SVEP1: variants seen among roughly 807,000 people sequenced by gnomAD.
SVEP1 encodes sushi, von Willebrand factor type A, EGF and pentraxin domain containing 1.
In SVEP1, 164 loss-of-function variants were observed where a neutral mutation model predicts 367.3. That is an observed-to-expected ratio of 0.45 (90% confidence interval 0.39 to 0.51). The LOEUF (loss-of-function observed/expected upper bound fraction) is 0.51. SVEP1 is among the 20% of genes least tolerant of loss of function. The pLI is 0.00. For missense variants in SVEP1, 4,117 were observed against 4,425.3 expected, an observed-to-expected ratio of 0.93 and a Z score of 1.98; for synonymous variants, 1,666 against 1,611.6, an observed-to-expected ratio of 1.03 and a Z score of -0.81.
chr9:110,575,116 C>G (rs910850674), intron 1 of SVEP1, among the ~76,000 whole-genome samples: 3 of 152,098 alleles, frequency 2.0e-5, no homozygotes, highest in Non-Finnish European at 4.4e-5. Context: ...ATAAAAAAGT[C>G]AAAGGGAAGA....
rs574787960 is a variant in SVEP1 at position 110,401,691 on chromosome 9, G to A, written c.9667-682C>T. 3.9e-3 allele frequency among the ~76,000 whole-genome samples: 588 copies of A among 151,706 alleles called. 1 individual carries two copies. Among genetic ancestry groups the A allele is most frequent in the African/African-American group, 0.013 (540 of 41,462 alleles). On this transcript the variant is annotated intron_variant, in intron 39 of 47. Coordinates refer to ENST00000374469, the MANE Select transcript of SVEP1 (RefSeq NM_153366.4). Reference sequence around the variant, plus strand: ...AATATGTAGCTTTTAACAGTTATTAGTGTTTTCATTACCCAGAAAGATTTC... The same window carrying A: ...AATATGTAGCTTTTAACAGTTATTAATGTTTTCATTACCCAGAAAGATTTC...
chr9:110,408,412 A>G lies in SVEP1; in HGVS notation c.7188T>C (p.Ser2396=), dbSNP rs746875382. The part of the protein sequence containing the change: ...LISFGVPIPS[S]ALHFGSTVKY... ...TGACAGTACTTCCAAAATGAAGAGCAGAAGAAGGAATGGGGACACCAAAGG... is the reference window on the plus strand; with the variant it reads ...TGACAGTACTTCCAAAATGAAGAGCGGAAGAAGGAATGGGGACACCAAAGG... Residue 2396 remains serine (S), a synonymous_variant, in exon 38 of 48, where the codon TCT becomes TCC. Coordinates refer to ENST00000374469, the MANE Select transcript of SVEP1 (RefSeq NM_153366.4). 6.2e-7 allele frequency: 1 copy of G among 1,613,976 alleles called. No homozygotes were observed. Among genetic ancestry groups the G allele is most frequent in the Admixed American group, 1.7e-5 (1 of 60,024 alleles).
At chr9:110,442,261 A>G (rs1828520601) in intron 27 of SVEP1, among the ~76,000 whole-genome samples, 1 of 152,172 alleles carries the variant, frequency 6.6e-6, no homozygotes. Context: ...TGACCACAAT[A>G]AAAGCATCTG....
intron 3 of SVEP1, among the ~76,000 whole-genome samples, chr9:110,544,604 G>A (rs1158870177): frequency 6.9e-6 from 1 of 144,668 alleles, no homozygotes; most frequent in Admixed American, 7.1e-5. Flanking sequence ...AATTACAAAT[G>A]TCAATGAAAT....
intron 36 of SVEP1, among the ~76,000 whole-genome samples, chr9:110,416,728 C>T (rs1309828764): frequency 1.3e-5 from 2 of 151,922 alleles, no homozygotes; most frequent in East Asian, 1.9e-4. Flanking sequence ...AACACTAAAA[C>T]AACAAAGACA....
chr9:110,534,017 C>CCA (rs1317130705), intron 3 of SVEP1, among the ~76,000 whole-genome samples: 10 of 152,024 alleles, frequency 6.6e-5, no homozygotes, highest in African/African-American at 2.4e-4. Context: ...CAGGCTAAGT[C>CCA]CACCACTTTT....
Position 110,517,514 on chromosome 9 carries a change from C to T in SVEP1, c.965-3408G>A, listed in dbSNP as rs189667463. Among the ~76,000 whole-genome samples the T allele has an allele frequency of 1.8e-3, 272 of 150,688 alleles. 1 individual carries two copies. Among genetic ancestry groups the T allele is most frequent in the African/African-American group, 6.4e-3 (264 of 40,956 alleles). On this transcript the variant is annotated intron_variant, in intron 3 of 47. Transcript: ENST00000374469. Reference sequence around the variant, plus strand: ...TTGGGAGGCTGAGGCAGGAGAATCACTTGAACTCGGGAAGCGGAGGTTGCA... The same window carrying T: ...TTGGGAGGCTGAGGCAGGAGAATCATTTGAACTCGGGAAGCGGAGGTTGCA...
At chr9:110,444,425 ATTTCTG>A (rs1447731407) in intron 26 of SVEP1, among the ~76,000 whole-genome samples, 1 of 152,182 alleles carries the variant, frequency 6.6e-6, no homozygotes, top group Non-Finnish European at 1.5e-5. Context: ...TGAGAAATAT[ATTTCTG>A]TTCTTTACAA....
Position 110,408,053 on chromosome 9 carries a change from T to C in SVEP1, c.7547A>G (p.Tyr2516Cys). 2 of 1,613,990 alleles carry C rather than the reference T, an allele frequency of 1.2e-6. No individual in the cohort carries two copies. The highest frequency in any genetic ancestry group is 1.7e-5 in the Admixed American group (1 of 60,016). The stretch of plus-strand genomic sequence containing the variant: ...GCAAGAGTAGGTAACGGTCTGTCCA[T>C]AGTGTAGGTCCGTGTAAGAGAATTT... ...NGKFSYTDLHYGQTVTYSCNR... is the reference protein window; with the variant it reads ...NGKFSYTDLHCGQTVTYSCNR... The change falls in exon 38 of 48, where the codon TAT becomes TGT. Residue 2516 changes from tyrosine to cysteine, a missense_variant. Coordinates refer to ENST00000374469, the MANE Select transcript of SVEP1 (RefSeq NM_153366.4).
chr9:110,389,474 T>A, intron 41 of SVEP1, 50 bp downstream of exon 41: 1 of 1,596,652 alleles, frequency 6.3e-7, no homozygotes, highest in East Asian at 2.2e-5. Flanking sequence ...ACACTGTTAT[T>A]TTGTGTCCTC....
At chr9:110,414,840 A>G (rs1312300149) in intron 36 of SVEP1, among the ~76,000 whole-genome samples, 1 of 152,072 alleles carries the variant, frequency 6.6e-6, no homozygotes, top group East Asian at 1.9e-4. Flanking sequence ...ATAAATCAGC[A>G]TCAATAATTA....
At chr9:110,466,602 T>C in intron 17 of SVEP1, among the ~76,000 whole-genome samples, 1 of 149,552 alleles carries the variant, frequency 6.7e-6, no homozygotes, top group Non-Finnish European at 1.5e-5. Context: ...ACTAAAAAAA[T>C]ACAAAAAAAT....
chr9:110,484,846 C>A (rs1829252263), intron 9 of SVEP1, among the ~76,000 whole-genome samples: 2 of 152,132 alleles, frequency 1.3e-5, no homozygotes, highest in South Asian at 4.1e-4. Flanking sequence ...CTCATTATCA[C>A]TGATCATTAG....
chr9:110,482,632 T>C (rs1829210938), intron 10 of SVEP1, 140 bp from the exon 11 acceptor site: 1 of 954,386 alleles, frequency 1.0e-6, no homozygotes, highest in Admixed American at 3.1e-5. Context: ...GCTCAAGCGA[T>C]TCTCCTGCCT....
intron 34 of SVEP1, 131 bp downstream of exon 34, chr9:110,429,789 T>C (rs574368876): frequency 1.4e-6 from 1 of 690,034 alleles, no homozygotes; most frequent in Admixed American, 2.6e-5. Flanking sequence ...CTATGTATCA[T>C]TCGATTAATT....
At chr9:110,467,045 C>A (rs1828949774) in intron 17 of SVEP1, among the ~76,000 whole-genome samples, 1 of 152,066 alleles carries the variant, frequency 6.6e-6, no homozygotes, top group Non-Finnish European at 1.5e-5. Flanking sequence ...ATGTTTAGCG[C>A]ATTTCCAATT....
intron 40 of SVEP1, among the ~76,000 whole-genome samples, chr9:110,395,238 T>A (rs1195196599): frequency 6.6e-6 from 1 of 152,178 alleles, no homozygotes; most frequent in African/African-American, 2.4e-5. Flanking sequence ...CAGAATTTCA[T>A]ATCCAGCCAA....
At chr9:110,529,854 GTTC>G (rs766461939) in intron 3 of SVEP1, among the ~76,000 whole-genome samples, 33 of 152,070 alleles carry the variant, frequency 2.2e-4, no homozygotes, top group Non-Finnish European at 3.1e-4. Context: ...ATGCTCTTTA[GTTC>G]TTCTTTCTGA....
At chr9:110,539,086 A>C (rs1019933795) in intron 3 of SVEP1, among the ~76,000 whole-genome samples, 1 of 152,068 alleles carries the variant, frequency 6.6e-6, no homozygotes, top group South Asian at 2.1e-4. Flanking sequence ...GTTCCACTTA[A>C]AATTCTGGTA....
Sources: allele counts gnomAD v4.1 joint callset (sites outside exome capture counted in the v4.1 genomes callset), GRCh38; gene constraint gnomAD v4.1.1; transcripts MANE v1.5; gene names NCBI Gene and HGNC (gene_info 2026-07-23, HGNC 2026-07-21).